Variants in KANK1 observed in about 807,000 individuals in gnomAD.
The protein encoded by KANK1 is KN motif and ankyrin repeat domains 1.
A neutral mutation model predicts 106.2 loss-of-function variants in KANK1; 109 were observed. The observed-to-expected ratio is 1.03, with a 90% CI of 0.88 to 1.20. The LOEUF is 1.20. Among genes scored for constraint, KANK1 ranks in the 50% most tolerant of loss-of-function variants. KANK1 has a pLI of 0.00. For synonymous variants in KANK1, 873 were observed against 652.2 expected (o/e 1.34, Z -5.16); for missense variants, 2,399 against 1,710.7 (o/e 1.40, Z -7.10).
intron 1 of KANK1, among the ~76,000 whole-genome samples, chr9:613,084 G>T (rs972992117): frequency 3.9e-5 from 6 of 152,020 alleles, no homozygotes; most frequent in African/African-American, 1.4e-4. Context: ...GAGGAAATAT[G>T]GAGTAAAGAT....
At chr9:701,634 T>C (rs1395575838) in intron 2 of KANK1, among the ~76,000 whole-genome samples, 3 of 152,038 alleles carry the variant, frequency 2.0e-5, no homozygotes, top group Non-Finnish European at 4.4e-5. Flanking sequence ...ACAATAAATA[T>C]CTTCAGGCAT....
At chr9:544,282 C>T (rs1038923441) in intron 1 of KANK1, among the ~76,000 whole-genome samples, 3 of 152,086 alleles carry the variant, frequency 2.0e-5, no homozygotes, top group Admixed American at 2.0e-4. Context: ...CTTGGCCTCC[C>T]GAAGTGCTAG....
chr9:523,965 G>T (rs1304832533), intron 1 of KANK1, among the ~76,000 whole-genome samples: 1 of 151,746 alleles, frequency 6.6e-6, no homozygotes, highest in Non-Finnish European at 1.5e-5. Flanking sequence ...GGTACATCAA[G>T]CTCCTAGAAC....
At chr9:691,355 C>G (rs563378894) in intron 2 of KANK1, among the ~76,000 whole-genome samples, 3 of 151,178 alleles carry the variant, frequency 2.0e-5, no homozygotes, top group Non-Finnish European at 4.4e-5. Context: ...ATTCGTTTAA[C>G]TTTTAAGAAC....
At chr9:568,878 TAAAA>T (rs1818477500) in intron 1 of KANK1, among the ~76,000 whole-genome samples, 2 of 152,194 alleles carry the variant, frequency 1.3e-5, no homozygotes, top group Non-Finnish European at 2.9e-5. Context: ...CATGACCACT[TAAAA>T]AACCCTTAAT....
intron 1 of KANK1, among the ~76,000 whole-genome samples, chr9:603,731 G>A (rs1353678932): frequency 6.6e-6 from 1 of 151,414 alleles, no homozygotes; most frequent in African/African-American, 2.4e-5. Context: ...CGAGGCGGGC[G>A]GATCACCTGA....
chr9:519,839 C>A lies in KANK1; in HGVS notation c.-84+15085C>A. The stretch of plus-strand genomic sequence containing the variant: ...CAAACAAGTCATTTAGATTTTTCTC[C>A]TCCCCTTAAAGCATGCATTTATAAG... On this transcript the variant is annotated intron_variant, in intron 1 of 11. Transcript: ENST00000382297. 1.3e-5 allele frequency among the ~76,000 whole-genome samples: 2 copies of A among 151,690 alleles called. 1 individual carries two copies. The highest frequency in any genetic ancestry group is 4.9e-5 in the African/African-American group (2 of 41,000).
intron 1 of KANK1, among the ~76,000 whole-genome samples, chr9:534,982 A>ATG (rs2060231034): frequency 6.6e-6 from 1 of 152,164 alleles, no homozygotes; most frequent in African/African-American, 2.4e-5. Flanking sequence ...ATTTAAAATG[A>ATG]TGTCTTTCTT....
chr9:519,541 G>A (rs559365748), intron 1 of KANK1, among the ~76,000 whole-genome samples: 26 of 151,860 alleles, frequency 1.7e-4, no homozygotes, highest in African/African-American at 6.1e-4. Flanking sequence ...CACATCCTCA[G>A]ATCTTGGTAA....
At chr9:682,674 T>C (rs1230923921) in intron 2 of KANK1, among the ~76,000 whole-genome samples, 1 of 152,220 alleles carries the variant, frequency 6.6e-6, no homozygotes, top group Non-Finnish European at 1.5e-5. Context: ...TCCTTTTTTA[T>C]TATTTCCCAA....
At chr9:729,614 T>A (rs546621772) in intron 3 of KANK1, among the ~76,000 whole-genome samples, 4 of 152,192 alleles carry the variant, frequency 2.6e-5, no homozygotes, top group Admixed American at 2.6e-4. Context: ...ATGGATAGTT[T>A]AGAATCTCTG....
intron 1 of KANK1, among the ~76,000 whole-genome samples, chr9:637,613 T>G (rs1837454456): frequency 6.6e-6 from 1 of 152,184 alleles, no homozygotes; most frequent in Non-Finnish European, 1.5e-5. Flanking sequence ...TAATGCTTTA[T>G]CTGGGGACCA....
At chr9:689,517 C>T (rs964589031) in intron 2 of KANK1, among the ~76,000 whole-genome samples, 1 of 152,138 alleles carries the variant, frequency 6.6e-6, no homozygotes, top group Non-Finnish European at 1.5e-5. Flanking sequence ...AGTCCTCATC[C>T]AAGACCCAAC....
At chr9:703,094 C>T (rs1024777065) in intron 2 of KANK1, among the ~76,000 whole-genome samples, 6 of 152,048 alleles carry the variant, frequency 3.9e-5, no homozygotes, top group South Asian at 2.1e-4. Context: ...CAGGTTCAAG[C>T]GATTCTCCTG....
chr9:608,962 C>CAA (rs1182052988), intron 1 of KANK1, among the ~76,000 whole-genome samples: 1 of 152,152 alleles, frequency 6.6e-6, no homozygotes, highest in Non-Finnish European at 1.5e-5. Flanking sequence ...GGCGTATACT[C>CAA]ACGCTTGTTG....
chr9:671,615 C>CAA (rs566979038), intron 1 of KANK1, among the ~76,000 whole-genome samples: 5,527 of 55,696 alleles, frequency 0.099, 919 homozygotes, highest in East Asian at 0.56. Flanking sequence ...AACTCCGTCT[C>CAA]AAAAAAAAAA....
intron 10 of KANK1, among the ~76,000 whole-genome samples, chr9:742,916 T>G (rs146991942): frequency 6.6e-4 from 100 of 152,316 alleles, no homozygotes; most frequent in Non-Finnish European, 1.1e-3. Context: ...TAGCTTGACT[T>G]CTTGAAGCGT....
At chr9:661,121 A>C (rs1382592804) in intron 1 of KANK1, among the ~76,000 whole-genome samples, 2 of 152,088 alleles carry the variant, frequency 1.3e-5, no homozygotes, top group Non-Finnish European at 2.9e-5. Flanking sequence ...GTTATGTGTA[A>C]TGTATTTAAA....
intron 1 of KANK1, among the ~76,000 whole-genome samples, chr9:607,759 A>C (rs1245039261): frequency 6.6e-6 from 1 of 151,666 alleles, no homozygotes; most frequent in African/African-American, 2.4e-5. Context: ...CTCCTAACTT[A>C]CTATGCTGGG....
Sources: allele counts gnomAD v4.1 joint callset (sites outside exome capture counted in the v4.1 genomes callset), GRCh38; gene constraint gnomAD v4.1.1; transcripts MANE v1.5; gene names NCBI Gene and HGNC (gene_info 2026-07-23, HGNC 2026-07-21).